Variants in GPR171 observed in about 807,000 individuals in gnomAD.
GPR171 encodes G protein-coupled receptor 171.
In GPR171, 14 loss-of-function variants were observed where a neutral mutation model predicts 16.7. The ratio of observed to expected loss-of-function variants is 0.84; its 90% CI spans 0.55 to 1.31. GPR171 has a LOEUF of 1.31. Among genes scored for constraint, GPR171 ranks in the 40% most tolerant of loss-of-function variants. The pLI, the probability that GPR171 is intolerant of heterozygous loss-of-function variation, is 0.00. For missense variants in GPR171, 337 were observed against 378.9 expected, an observed-to-expected ratio of 0.89 and a Z score of 0.92; for synonymous variants, 134 against 135.6, an observed-to-expected ratio of 0.99 and a Z score of 0.08.
rs1437338478 is a variant in GPR171 at position 151,198,780 on chromosome 3, T to G, written c.607A>C (p.Ile203Leu). The G allele has an allele frequency of 6.2e-7, 1 of 1,613,736 alleles. No homozygotes were observed. Among genetic ancestry groups the G allele is most frequent in the Non-Finnish European group, 8.5e-7 (1 of 1,179,716 alleles). The change falls in exon 3 of 3, where the codon ATT becomes CTT. Residue 203 changes from isoleucine (I) to leucine (L), a missense_variant. Ile to Leu is a conservative substitution (Grantham distance 5). Coordinates refer to ENST00000309180, the MANE Select transcript of GPR171 (RefSeq NM_013308.4). ...TCTTTGTTTCTGTAGAGCTGTCGAA[T>G]TACAAGGCAATTGGATATTAAAATG... Reference protein sequence around the residue: ...AIILISNCLVIRQLYRNKDNE... With the variant: ...AIILISNCLVLRQLYRNKDNE...
At chr3:151,201,861 C>T (rs56350229) in intron 1 of GPR171, among the ~76,000 whole-genome samples, 15,557 of 152,216 alleles carry the variant, frequency 0.1, 1,906 homozygotes, top group African/African-American at 0.28. Context: ...TTACGCACTT[C>T]TATTTCAAAT....
chr3:151,201,695 G>A (rs770270363), intron 1 of GPR171, among the ~76,000 whole-genome samples: 3 of 152,180 alleles, frequency 2.0e-5, no homozygotes, highest in Admixed American at 6.5e-5. Context: ...AGGCTTTACC[G>A]ATGTCCTTGG....
Position 151,199,290 on chromosome 3 carries a change from A to G in GPR171, c.97T>C (p.Cys33Arg), listed in dbSNP as rs1258450288. 19 of 1,613,942 alleles carry G rather than the reference A, an allele frequency of 1.2e-5. No homozygotes were observed. The Admixed American group carries it at 1.8e-4, about 16-fold the overall frequency. ...TGTATAAAAGCCCAGGTTGCAAAACAACTTCCAATAATTCCAACAAGGAAA... is the reference window on the plus strand; with the variant it reads ...TGTATAAAAGCCCAGGTTGCAAAACGACTTCCAATAATTCCAACAAGGAAA... ...LVFLVGIIGS[C>R]FATWAFIQKN... Residue 33 changes from cysteine to arginine, a missense_variant, in exon 3 of 3, where the codon TGT (cysteine) becomes CGT (arginine). Physicochemically the swap from Cys to Arg is radical, Grantham distance 180. Coordinates refer to ENST00000309180, the MANE Select transcript of GPR171 (RefSeq NM_013308.4).
At chr3:151,200,406 G>A (rs1246261523) in intron 2 of GPR171, among the ~76,000 whole-genome samples, 1 of 152,122 alleles carries the variant, frequency 6.6e-6, no homozygotes, top group Non-Finnish European at 1.5e-5. Context: ...AAGACCTGAA[G>A]ATTATTTTTG....
In GPR171 at chr3:151,199,233, A is replaced by G. The variant is rs926957796; in HGVS notation, c.154T>C (p.Tyr52His). The change falls in exon 3 of 3, where the codon TAC (tyrosine) becomes CAC (histidine). Residue 52 changes from tyrosine (Y) to histidine (H), a missense_variant. Physicochemically the swap from Tyr to His is moderately conservative, Grantham distance 83. Coordinates refer to ENST00000309180, the MANE Select transcript of GPR171 (RefSeq NM_013308.4). ...KNTNHRCVSI[Y>H]LINLLTADFL... ...TCGGCTGTAAGCAAATTAATTAAGT[A>G]GATGCTCACACACCTGTGATTCGTA... 5.6e-6 allele frequency: 9 copies of G among 1,614,060 alleles called. No homozygotes were observed. Among genetic ancestry groups the G allele is most frequent in the Non-Finnish European group, 7.6e-6 (9 of 1,179,894 alleles).
chr3:151,198,506 G>T lies in GPR171; in HGVS notation c.881C>A (p.Ser294Ter). The change falls in exon 3 of 3, where the codon TCA (serine) becomes TAA (stop). Residue 294 changes from serine to a stop codon, truncating the protein, a stop_gained. Coordinates refer to ENST00000309180, the MANE Select transcript of GPR171 (RefSeq NM_013308.4). LOFTEE classifies it low-confidence loss of function (END_TRUNC). The part of the protein sequence containing the change: ...LYYHLSKAFR[S>*]KVTETFASPK... The stretch of plus-strand genomic sequence containing the variant: ...TGAGGCAAAAGTCTCAGTGACCTTT[G>T]AGCGGAATGCTTTTGAGAGGTGATA... The T allele has an allele frequency of 1.2e-6, 2 of 1,613,682 alleles. No homozygotes were observed. The highest frequency in any genetic ancestry group is 1.7e-6 in the Non-Finnish European group (2 of 1,179,674).
intron 1 of GPR171, among the ~76,000 whole-genome samples, chr3:151,201,946 G>T (rs1489379864): frequency 1.3e-5 from 2 of 152,144 alleles, no homozygotes; most frequent in Admixed American, 6.5e-5. Flanking sequence ...TAAGTCTGTT[G>T]TATCAATGAG....
intron 1 of GPR171, 119 bp from the exon 2 acceptor site, chr3:151,201,116 T>C (rs1725506391): frequency 6.6e-6 from 1 of 152,226 alleles, no homozygotes; most frequent in Non-Finnish European, 1.5e-5. Flanking sequence ...AATTTTTATG[T>C]AATAAAGCTG....
At chr3:151,202,034 C>T (rs917295341) in intron 1 of GPR171, among the ~76,000 whole-genome samples, 3 of 152,088 alleles carry the variant, frequency 2.0e-5, no homozygotes, top group Non-Finnish European at 4.4e-5. Flanking sequence ...CGATATATAC[C>T]GTACATGAAT....
Position 151,198,905 on chromosome 3 carries a change from G to A in GPR171, c.482C>T (p.Ser161Leu), listed in dbSNP as rs1725089481. 1 of 1,613,926 alleles carries A rather than the reference G, an allele frequency of 6.2e-7. No individual in the cohort carries two copies. Among genetic ancestry groups the A allele is most frequent in the Non-Finnish European group, 8.5e-7 (1 of 1,179,984 alleles). The change falls in exon 3 of 3, where the codon TCA becomes TTA. Residue 161 changes from serine to leucine, a missense_variant. Physicochemically the swap from Ser to Leu is moderately radical, Grantham distance 145. Coordinates refer to ENST00000309180, the MANE Select transcript of GPR171 (RefSeq NM_013308.4). The stretch of plus-strand genomic sequence containing the variant: ...TTTAAACTCCATACAACCCACATTT[G>A]ACTTTTCCTTGATGTCTTTGATGGG... Reference protein sequence around the residue: ...MIPIKDIKEKSNVGCMEFKKE... With the variant: ...MIPIKDIKEKLNVGCMEFKKE...
chr3:151,197,875 G>C lies in GPR171; in HGVS notation c.*552C>G, dbSNP rs1308988735. The C allele has an allele frequency of 1.3e-4, 20 of 152,526 alleles. No individual in the cohort carries two copies. The highest frequency in any genetic ancestry group is 1.5e-5 in the Non-Finnish European group (1 of 68,014). The allele number at this position is 152,526 out of a possible 1,614,324, so 9.4% of individuals were successfully genotyped here. On this transcript the variant is annotated 3_prime_UTR_variant, in exon 3 of 3. Transcript: ENST00000309180. ...TTATAAATAAAAGCTTTTGGTTATT[G>C]TGTTAGAAAAAAATTCGACATTAAA...
chr3:151,199,118 G>A lies in GPR171; in HGVS notation c.269C>T (p.Thr90Ile). Residue 90 changes from threonine (T) to isoleucine (I), a missense_variant, in exon 3 of 3, where the codon ACA becomes ATA. Physicochemically the swap from Thr to Ile is moderately conservative, Grantham distance 89. Transcript: ENST00000309180. ...CATATTGATATAGATGAGGCAGGCTGTTACTTGGCAGTGGAATATCTTCAG... is the reference window on the plus strand; with the variant it reads ...CATATTGATATAGATGAGGCAGGCTATTACTTGGCAGTGGAATATCTTCAG... ...WKLKIFHCQV[T>I]ACLIYINMYL... The A allele has an allele frequency of 1.2e-6, 2 of 1,614,010 alleles. No homozygotes were observed. Among genetic ancestry groups the A allele is most frequent in the Non-Finnish European group, 1.7e-6 (2 of 1,179,882 alleles).
At chr3:151,201,650 C>G (rs986539465) in intron 1 of GPR171, among the ~76,000 whole-genome samples, 11 of 152,206 alleles carry the variant, frequency 7.2e-5, no homozygotes, top group Admixed American at 4.6e-4. Context: ...TATTCCAGAG[C>G]TTTAAGGAAG....
rs1019937390 is a variant in GPR171 at position 151,203,087 on chromosome 3, T to A, written c.-143+17A>T. 11 of 152,148 alleles carry A rather than the reference T, an allele frequency of 7.2e-5. No individual in the cohort carries two copies. Among genetic ancestry groups the A allele is most frequent in the South Asian group, 6.2e-4 (3 of 4,830 alleles). The allele number at this position is 152,148 out of a possible 1,614,324, so 9.4% of individuals were successfully genotyped here. A position where few individuals can be genotyped will look rare whatever the true frequency, so the allele number is the denominator to read the frequency against. On this transcript the variant is annotated intron_variant, in intron 1 of 2. Transcript: ENST00000309180. ...CGGAAAAGCATTTGAATATATTAAGTGTTTAAAAAGACATACCTGGGGCTA... is the reference window on the plus strand; with the variant it reads ...CGGAAAAGCATTTGAATATATTAAGAGTTTAAAAAGACATACCTGGGGCTA...
rs1161615000 is a variant in GPR171, at chr3:151,199,038, T to C, written c.349A>G (p.Thr117Ala). Residue 117 changes from threonine to alanine, a missense_variant, in exon 3 of 3, where the codon ACA (threonine) becomes GCA (alanine). Coordinates refer to ENST00000309180, the MANE Select transcript of GPR171 (RefSeq NM_013308.4). ...ATTCGGTAGATCTTGCAGCTGTGTG[T>C]CAGCTGAAGACAGCGGTCAATGCTG... Reference protein sequence around the residue: ...FVSIDRCLQLTHSCKIYRIQE... With the variant: ...FVSIDRCLQLAHSCKIYRIQE... The C allele has an allele frequency of 2.0e-5, 33 of 1,614,086 alleles. No individual in the cohort carries two copies. The highest frequency in any genetic ancestry group is 2.7e-5 in the Non-Finnish European group (32 of 1,179,924).
chr3:151,200,022 G>A (rs1002826513), intron 2 of GPR171, among the ~76,000 whole-genome samples: 3 of 152,126 alleles, frequency 2.0e-5, no homozygotes, highest in African/African-American at 7.2e-5. Context: ...GAACATGGAT[G>A]TATGTTCATT....
At position 151,198,483 on chromosome 3, in the gene GPR171, A is replaced by C. The variant is rs1188899344; in HGVS notation, c.904T>G (p.Ser302Ala). ...TTCTGAGCCTTGGTCTCTTTAGGTGAGGCAAAAGTCTCAGTGACCTTTGAG... is the reference window on the plus strand; with the variant it reads ...TTCTGAGCCTTGGTCTCTTTAGGTGCGGCAAAAGTCTCAGTGACCTTTGAG... ...FRSKVTETFA[S>A]PKETKAQKEK... Residue 302 changes from serine to alanine, a missense_variant, in exon 3 of 3, where the codon TCA becomes GCA. Coordinates refer to ENST00000309180, the MANE Select transcript of GPR171 (RefSeq NM_013308.4). 2 of 1,612,122 alleles carry C rather than the reference A, an allele frequency of 1.2e-6. No individual in the cohort carries two copies. The highest frequency in any genetic ancestry group is 1.7e-6 in the Non-Finnish European group (2 of 1,178,270).
At chr3:151,202,877 A>C (rs1329911950) in intron 1 of GPR171, among the ~76,000 whole-genome samples, 1 of 152,200 alleles carries the variant, frequency 6.6e-6, no homozygotes, top group Non-Finnish European at 1.5e-5. Context: ...TCAGGTATTC[A>C]GTCTGGTGTC....
chr3:151,198,357 ATC>A lies in GPR171; in HGVS notation c.*68_*69del. ...GTTTTTTTTTGTTTTTTTTTTTTTT[ATC>A]TTTCAAAGCTATAATTAACTTTATG... On this transcript the variant is annotated 3_prime_UTR_variant, in exon 3 of 3. Coordinates refer to ENST00000309180, the MANE Select transcript of GPR171 (RefSeq NM_013308.4). 6.9e-6 allele frequency: 5 copies of A among 726,758 alleles called. No homozygotes were observed. Among genetic ancestry groups the A allele is most frequent in the Non-Finnish European group, 5.5e-6 (3 of 546,494 alleles). 45.0% of individuals were successfully genotyped at this position (726,758 alleles called of 1,614,324 possible).
Sources: allele counts gnomAD v4.1 joint callset (sites outside exome capture counted in the v4.1 genomes callset), GRCh38; gene constraint gnomAD v4.1.1; transcripts MANE v1.5; gene names NCBI Gene and HGNC (gene_info 2026-07-23, HGNC 2026-07-21).